RNLS: variants seen among roughly 807,000 people sequenced by gnomAD.
The protein encoded by RNLS is renalase, FAD dependent amine oxidase, also known as renalase.
In RNLS, 39 loss-of-function variants were observed where a neutral mutation model predicts 39.8. That is an observed-to-expected ratio of 0.98 (90% CI 0.76 to 1.28). The LOEUF is 1.28. Among genes scored for constraint, RNLS ranks in the 50% most tolerant of loss-of-function variants. The probability of loss-of-function intolerance (pLI) is 0.00; values close to 1 mark genes in which losing one functional copy is unlikely to be tolerated. For missense variants in RNLS, 410 were observed against 413.3 expected, an observed-to-expected ratio of 0.99 and a Z score of 0.07; for synonymous variants, 147 against 150.7, an observed-to-expected ratio of 0.98 and a Z score of 0.18.
chr10:88,530,136 T>G (rs1336477908), intron 4 of RNLS, among the ~76,000 whole-genome samples: 1 of 152,202 alleles, frequency 6.6e-6, no homozygotes, highest in Non-Finnish European at 1.5e-5. Context: ...CTCCAAGGCC[T>G]TTAAGGCAAG....
At chr10:88,343,567 C>T in intron 5 of RNLS, 4 of 985,102 alleles carry the variant, frequency 4.1e-6, no homozygotes, top group Non-Finnish European at 4.8e-6. Context: ...AAAATATATT[C>T]TGAATTCTAC....
intron 4 of RNLS, among the ~76,000 whole-genome samples, chr10:88,402,932 A>G (rs1398128939): frequency 1.3e-5 from 2 of 152,092 alleles, no homozygotes; most frequent in African/African-American, 4.8e-5. Flanking sequence ...GACCTCAGCA[A>G]TAGTTAATAA....
the RNLS span, among the ~76,000 whole-genome samples, chr10:88,201,466 A>C: frequency 6.6e-6 from 1 of 152,148 alleles, no homozygotes; most frequent in African/African-American, 2.4e-5. Flanking sequence ...GACTACCCTG[A>C]GGCTGTTGTG....
chr10:88,387,502 C>CAA lies in RNLS; in HGVS notation c.527-24779_527-24778dup, dbSNP rs5786817. 1.2e-3 allele frequency among the ~76,000 whole-genome samples: 81 copies of CAA among 70,074 alleles called. No individual in the cohort carries two copies. The East Asian group carries it at 0.013, about 11-fold the overall frequency. The allele number at this position is 70,074 out of a possible 152,430, so 46.0% of individuals were successfully genotyped here. On this transcript the variant is annotated intron_variant, in intron 4 of 6. Coordinates refer to ENST00000331772, the MANE Select transcript of RNLS (RefSeq NM_001031709.3). ...AAGAAGAAAAGCGAGGAGAACAGAG[C>CAA]AAAAAAAAAAAAAAAAAAAAAAGGA... is the stretch of plus-strand genomic sequence containing the variant.
the RNLS span, among the ~76,000 whole-genome samples, chr10:88,224,634 C>T: frequency 5.9e-5 from 9 of 152,048 alleles, no homozygotes; most frequent in African/African-American, 1.7e-4. Flanking sequence ...AAAGGAGCTT[C>T]GATTGGTATT....
rs565111549 is a variant in RNLS, at chr10:88,441,134, C to T, written c.527-78409G>A. Among the ~76,000 whole-genome samples the T allele has an allele frequency of 2.0e-5, 3 of 152,234 alleles. No homozygotes were observed. In the South Asian group the frequency reaches 6.2e-4, roughly 32 times the overall value. Reference sequence around the variant, plus strand: ...GATCGAGTGACTTATATCCTAGTTACTTACAAACAGATCAGGGGAAAATTC... The same window carrying T: ...GATCGAGTGACTTATATCCTAGTTATTTACAAACAGATCAGGGGAAAATTC... On this transcript the variant is annotated intron_variant, in intron 4 of 6. Transcript: ENST00000331772.
At chr10:88,387,319 C>A (rs1328805056) in intron 4 of RNLS, among the ~76,000 whole-genome samples, 1 of 152,048 alleles carries the variant, frequency 6.6e-6, no homozygotes, top group Non-Finnish European at 1.5e-5. Context: ...GAAGCCCTAG[C>A]AACACTGAAA....
chr10:88,254,320 T>A, the RNLS span, among the ~76,000 whole-genome samples: 2 of 152,198 alleles, frequency 1.3e-5, no homozygotes, highest in Non-Finnish European at 1.5e-5. Flanking sequence ...TAGCACTAGA[T>A]GCAAGATGAG....
At chr10:88,390,283 G>A (rs1852113485) in intron 4 of RNLS, among the ~76,000 whole-genome samples, 2 of 152,232 alleles carry the variant, frequency 1.3e-5, no homozygotes, top group African/African-American at 4.8e-5. Flanking sequence ...ATCCTGCTCA[G>A]AGGATTTAGA....
the RNLS span, among the ~76,000 whole-genome samples, chr10:88,221,807 A>G: frequency 1.3e-5 from 2 of 151,214 alleles, no homozygotes; most frequent in South Asian, 2.1e-4. Context: ...TCACTAATCA[A>G]TTGTGGCACT....
the RNLS span, among the ~76,000 whole-genome samples, chr10:88,246,231 T>G: frequency 6.6e-6 from 1 of 152,362 alleles, no homozygotes; most frequent in South Asian, 2.1e-4. Flanking sequence ...ATATCTGCTC[T>G]GGGGCTCAAA....
chr10:88,345,680 A>C (rs1232445410), intron 5 of RNLS, among the ~76,000 whole-genome samples: 1 of 152,156 alleles, frequency 6.6e-6, no homozygotes. Flanking sequence ...TTTTGGATAT[A>C]CTATCTCATT....
At chr10:88,400,461 A>G (rs1184525065) in intron 4 of RNLS, among the ~76,000 whole-genome samples, 1 of 151,848 alleles carries the variant, frequency 6.6e-6, no homozygotes, top group East Asian at 1.9e-4. Flanking sequence ...TCTTTGTCAC[A>G]CTTCCAATCT....
At chr10:88,443,610 C>T (rs946066154) in intron 4 of RNLS, among the ~76,000 whole-genome samples, 2 of 152,204 alleles carry the variant, frequency 1.3e-5, no homozygotes, top group Non-Finnish European at 1.5e-5. Context: ...CAGGTCACTC[C>T]CACCCTAATA....
intron 4 of RNLS, among the ~76,000 whole-genome samples, chr10:88,391,336 G>A (rs1409849332): frequency 6.6e-6 from 1 of 152,132 alleles, no homozygotes; most frequent in African/African-American, 2.4e-5. Context: ...GAGGCCGGTG[G>A]ATCACAAGGT....
chr10:88,463,813 G>A (rs924696120), intron 4 of RNLS, among the ~76,000 whole-genome samples: 6 of 151,920 alleles, frequency 3.9e-5, no homozygotes. Flanking sequence ...TAAGTTACCT[G>A]TATGTGTGTT....
At chr10:88,257,039 G>A in the RNLS span, among the ~76,000 whole-genome samples, 26,212 of 140,486 alleles carry the variant, frequency 0.19, 2,457 homozygotes, top group South Asian at 0.27. Context: ...TTGGTGTGTT[G>A]TGCCAAAAAA....
chr10:88,203,814 AC>A, the RNLS span, among the ~76,000 whole-genome samples: 2 of 151,834 alleles, frequency 1.3e-5, no homozygotes, highest in Non-Finnish European at 2.9e-5. Flanking sequence ...ACATAGAGAT[AC>A]ATGTTAGTTT....
chr10:88,323,269 A>C (rs562008231), intron 5 of RNLS, among the ~76,000 whole-genome samples: 6 of 152,050 alleles, frequency 3.9e-5, no homozygotes, highest in Non-Finnish European at 8.8e-5. Flanking sequence ...TTTTCACAGA[A>C]TTAGAAAAAA....
Sources: gnomAD v4.1 joint callset for allele counts (sites outside exome capture counted in the v4.1 genomes callset) on GRCh38, gnomAD v4.1.1 for gene constraint, MANE v1.5 for transcripts, NCBI Gene and HGNC (gene_info 2026-07-23, HGNC 2026-07-21) for gene names.